The following ADGRB3 variants were observed in gnomAD, a reference collection of about 807,000 sequenced individuals.
The protein encoded by ADGRB3 is adhesion G protein-coupled receptor B3.
Under a neutral mutation model 193.4 loss-of-function variants are expected in ADGRB3, and 37 were observed. The ratio of observed to expected loss-of-function variants is 0.19; its 90% CI spans 0.15 to 0.25. The LOEUF is 0.25. Among genes scored for constraint, ADGRB3 ranks in the 10% least tolerant of loss-of-function variants. The pLI is 1.00. For synonymous variants in ADGRB3, 690 were observed against 644.2 expected (o/e 1.07, Z -1.08); for missense variants, 1,637 against 1,852.9 (o/e 0.88, Z 2.14).
chr6:68,681,149 A>C (rs1031331106), intron 3 of ADGRB3, among the ~76,000 whole-genome samples: 1 of 152,112 alleles, frequency 6.6e-6, no homozygotes, highest in African/African-American at 2.4e-5. Flanking sequence ...AGCTCTAACT[A>C]ATAGAGCTAG....
rs983464712 is a variant in ADGRB3 at position 69,223,348 on chromosome 6, C to T, written c.2481-9942C>T. Among the ~76,000 whole-genome samples the T allele has an allele frequency of 7.2e-5, 11 of 152,096 alleles. 1 individual carries two copies. Among genetic ancestry groups the T allele is most frequent in the African/African-American group, 2.7e-4 (11 of 41,406 alleles). Reference sequence around the variant, plus strand: ...TGGCCCCATCCCAGAACTAATGAAGCAGAGTTTTTAGTGAATTAAGCTTAA... The same window carrying T: ...TGGCCCCATCCCAGAACTAATGAAGTAGAGTTTTTAGTGAATTAAGCTTAA... On this transcript the variant is annotated intron_variant, in intron 17 of 31. Transcript: ENST00000370598.
At chr6:69,314,471 T>C (rs560337785) in intron 20 of ADGRB3, among the ~76,000 whole-genome samples, 4 of 151,762 alleles carry the variant, frequency 2.6e-5, no homozygotes, top group African/African-American at 9.6e-5. Context: ...GATATTTTAA[T>C]TATGTAGAAA....
intron 26 of ADGRB3, among the ~76,000 whole-genome samples, chr6:69,346,170 A>C (rs1183234426): frequency 6.6e-6 from 1 of 152,216 alleles, no homozygotes; most frequent in Non-Finnish European, 1.5e-5. Context: ...ACCCGAAGTA[A>C]TTTATAGATT....
chr6:68,678,926 G>A (rs1333320690), intron 3 of ADGRB3, among the ~76,000 whole-genome samples: 1 of 152,078 alleles, frequency 6.6e-6, no homozygotes, highest in Non-Finnish European at 1.5e-5. Flanking sequence ...ATTACTTCAA[G>A]TTGTCCAATG....
intron 20 of ADGRB3, among the ~76,000 whole-genome samples, chr6:69,297,392 A>ATC (rs375206329): frequency 0.26 from 28,603 of 108,892 alleles, 2,576 homozygotes; most frequent in Middle Eastern, 0.31. Context: ...CTCTCTCTCT[A>ATC]TCTCTCTCTC....
intron 11 of ADGRB3, among the ~76,000 whole-genome samples, chr6:69,011,145 G>T (rs1331021792): frequency 7.5e-5 from 11 of 146,650 alleles, no homozygotes; most frequent in Non-Finnish European, 1.7e-4. Context: ...ATGTGTGTGT[G>T]TGTGTGTGTG....
intron 3 of ADGRB3, among the ~76,000 whole-genome samples, chr6:68,745,700 A>G (rs1167096704): frequency 6.6e-6 from 1 of 151,712 alleles, no homozygotes; most frequent in African/African-American, 2.4e-5. Flanking sequence ...TATATTGTAT[A>G]TTAATATGTA....
At position 69,158,731 on chromosome 6, in the gene ADGRB3, G is replaced by C. The variant is rs371231900; in HGVS notation, c.2481-74559G>C. Among the ~76,000 whole-genome samples the C allele has an allele frequency of 3.9e-5, 6 of 152,130 alleles. No individual in the cohort carries two copies. In the East Asian group the frequency reaches 1.2e-3, roughly 29 times the overall value. Reference sequence around the variant, plus strand: ...CAGCTGTCTCTGAACCCTGCTTGAAGATATTATTTTTTTCATTTGCCTCCA... The same window carrying C: ...CAGCTGTCTCTGAACCCTGCTTGAACATATTATTTTTTTCATTTGCCTCCA... On this transcript the variant is annotated intron_variant, in intron 17 of 31. Coordinates refer to ENST00000370598, the MANE Select transcript of ADGRB3 (RefSeq NM_001704.3).
At chr6:68,770,258 C>G (rs556610860) in intron 3 of ADGRB3, among the ~76,000 whole-genome samples, 1 of 152,212 alleles carries the variant, frequency 6.6e-6, no homozygotes, top group East Asian at 1.9e-4. Flanking sequence ...GCCAAAATCA[C>G]TGGTGTTGCA....
At chr6:69,021,652 A>G (rs2150288800) in intron 13 of ADGRB3, among the ~76,000 whole-genome samples, 1 of 152,050 alleles carries the variant, frequency 6.6e-6, no homozygotes, top group East Asian at 1.9e-4. Flanking sequence ...ACTTAGGACG[A>G]TAATTTATAT....
intron 13 of ADGRB3, among the ~76,000 whole-genome samples, chr6:69,038,512 T>C (rs927826999): frequency 2.6e-5 from 4 of 152,230 alleles, no homozygotes; most frequent in African/African-American, 9.6e-5. Context: ...ATTGATTTGT[T>C]TTTAATCTTC....
chr6:68,781,156 T>G (rs1373079988), intron 3 of ADGRB3, among the ~76,000 whole-genome samples: 1 of 152,160 alleles, frequency 6.6e-6, no homozygotes, highest in African/African-American at 2.4e-5. Flanking sequence ...GTTGGCTGTC[T>G]TCCAAGTAGT....
At chr6:69,210,138 T>TTATATA in intron 17 of ADGRB3, among the ~76,000 whole-genome samples, 1 of 107,198 alleles carries the variant, frequency 9.3e-6, no homozygotes, top group African/African-American at 4.2e-5. Flanking sequence ...ATATCATATA[T>TTATATA]TAATATATAT....
intron 8 of ADGRB3, among the ~76,000 whole-genome samples, chr6:68,961,269 A>G (rs965466694): frequency 6.6e-6 from 1 of 152,168 alleles, no homozygotes; most frequent in Non-Finnish European, 1.5e-5. Context: ...TCTACCACGA[A>G]GAGCAGGAGA....
chr6:68,817,674 C>A (rs770160262), intron 3 of ADGRB3, among the ~76,000 whole-genome samples: 2 of 151,706 alleles, frequency 1.3e-5, no homozygotes, highest in African/African-American at 4.8e-5. Flanking sequence ...GTAAAAATAT[C>A]TATGATAGTA....
chr6:69,046,027 T>A (rs1224062194), intron 13 of ADGRB3, among the ~76,000 whole-genome samples: 2 of 152,168 alleles, frequency 1.3e-5, no homozygotes, highest in African/African-American at 4.8e-5. Context: ...ATTTATGGAT[T>A]TATGAATATG....
intron 3 of ADGRB3, among the ~76,000 whole-genome samples, chr6:68,642,817 A>C (rs1000855734): frequency 1.3e-5 from 2 of 151,754 alleles, no homozygotes; most frequent in African/African-American, 4.8e-5. Context: ...AAAAAAAAAA[A>C]CTCAAATAAC....
intron 3 of ADGRB3, among the ~76,000 whole-genome samples, chr6:68,857,712 G>T (rs181912715): frequency 8.3e-4 from 127 of 152,314 alleles, no homozygotes; most frequent in Non-Finnish European, 1.5e-3. Flanking sequence ...AATGAGCTGA[G>T]ACTTTGGGGG....
intron 3 of ADGRB3, among the ~76,000 whole-genome samples, chr6:68,900,063 C>A (rs995297030): frequency 6.6e-6 from 1 of 151,950 alleles, no homozygotes; most frequent in Non-Finnish European, 1.5e-5. Context: ...GTCTTGTACA[C>A]AGTAGTTTCT....
Sources: allele counts gnomAD v4.1 joint callset (sites outside exome capture counted in the v4.1 genomes callset), GRCh38; gene constraint gnomAD v4.1.1; transcripts MANE v1.5; gene names NCBI Gene and HGNC (gene_info 2026-07-23, HGNC 2026-07-21).